SEMA3A: variants seen among roughly 807,000 people sequenced by gnomAD.
SEMA3A encodes the protein semaphorin-3A.
In SEMA3A, 29 loss-of-function variants were observed where a neutral mutation model predicts 97.9. That is an observed-to-expected ratio of 0.30 (90% CI 0.22 to 0.40). The LOEUF (loss-of-function observed/expected upper bound fraction) is 0.40. Ranked by LOEUF, SEMA3A falls within the 10% of genes least tolerant of loss-of-function variation. The probability of loss-of-function intolerance (pLI) is 1.00; values close to 1 mark genes in which losing one functional copy is unlikely to be tolerated. For synonymous variants in SEMA3A, 321 were observed against 323.7 expected, an observed-to-expected ratio of 0.99 and a Z score of 0.09; for missense variants, 763 against 951.3, an observed-to-expected ratio of 0.80 and a Z score of 2.60.
intron 3 of SEMA3A, among the ~76,000 whole-genome samples, chr7:84,285,968 C>G (rs1268370228): frequency 3.5e-5 from 4 of 115,492 alleles, no homozygotes; most frequent in Admixed American, 2.8e-4. Flanking sequence ...CAGACCCCAT[C>G]TCAAAAAAAA....
chr7:84,045,162 A>G (rs891786208), intron 6 of SEMA3A, among the ~76,000 whole-genome samples: 3 of 152,032 alleles, frequency 2.0e-5, no homozygotes, highest in African/African-American at 7.2e-5. Context: ...AATGGAAGAC[A>G]GAAGGAATGA....
chr7:84,127,245 G>T (rs1795827315), intron 3 of SEMA3A, among the ~76,000 whole-genome samples: 1 of 151,790 alleles, frequency 6.6e-6, no homozygotes, highest in Non-Finnish European at 1.5e-5. Context: ...TCCCACCATT[G>T]ATATGTGTGA....
intron 1 of SEMA3A, among the ~76,000 whole-genome samples, chr7:84,460,607 T>C (rs977923221): frequency 1.3e-5 from 2 of 152,232 alleles, no homozygotes; most frequent in African/African-American, 4.8e-5. Flanking sequence ...ATAGCCTTTG[T>C]ACAGTTCCCA....
Position 84,453,544 on chromosome 7 carries a change from G to T in SEMA3A, c.-246+38916C>A, listed in dbSNP as rs568536952. On this transcript the variant is annotated intron_variant, in intron 1 of 3. Transcript: ENST00000424555. ...AGCCACCGCGCCCGGCCGAGACTTT[G>T]TTTCTATTGAGTGATAGAGACAATG... 1.1e-4 allele frequency among the ~76,000 whole-genome samples: 17 copies of T among 152,196 alleles called. No homozygotes were observed. In the East Asian group the frequency reaches 3.3e-3, roughly 30 times the overall value.
intron 1 of SEMA3A, among the ~76,000 whole-genome samples, chr7:84,411,567 T>TA (rs1804267633): frequency 6.7e-6 from 1 of 149,176 alleles, no homozygotes; most frequent in African/African-American, 2.5e-5. Flanking sequence ...TTGGGTATAA[T>TA]TATATATATA....
At chr7:84,283,109 C>A (rs1800487700) in intron 3 of SEMA3A, among the ~76,000 whole-genome samples, 1 of 152,034 alleles carries the variant, frequency 6.6e-6, no homozygotes, top group African/African-American at 2.4e-5. Flanking sequence ...AGTTGTTAAT[C>A]TTTAAGAATT....
intron 11 of SEMA3A, among the ~76,000 whole-genome samples, chr7:84,003,870 A>C (rs1790556606): frequency 6.6e-6 from 1 of 152,102 alleles, no homozygotes. Flanking sequence ...CCTTTATGAA[A>C]CCCTGGGTCT....
At position 84,005,382 on chromosome 7, in the gene SEMA3A, C is replaced by T; in HGVS notation, c.1317G>A (p.Val439=). ...YQFTQIVVDR[V]DAEDGQYDVM... is the part of the protein sequence containing the mutation. ...CATCATACTGTCCATCTTCTGCATC[C>T]ACTCGGTCTACGACAATTTGTGTAA... The change falls in exon 11 of 17, where the codon GTG becomes GTA. Residue 439 remains valine (V), a synonymous_variant. Transcript: ENST00000265362. The T allele has an allele frequency of 1.2e-6, 2 of 1,613,834 alleles. No individual in the cohort carries two copies.
intron 3 of SEMA3A, among the ~76,000 whole-genome samples, chr7:84,228,242 G>T (rs943181001): frequency 1.9e-4 from 29 of 151,948 alleles, no homozygotes; most frequent in African/African-American, 6.8e-4. Context: ...TTTCACTAAT[G>T]AGAAAATAGA....
chr7:84,033,670 A>T (rs1791838504), intron 6 of SEMA3A, among the ~76,000 whole-genome samples: 1 of 152,108 alleles, frequency 6.6e-6, no homozygotes, highest in Admixed American at 6.5e-5. Flanking sequence ...GGGAACAAAA[A>T]CCACTTTTAT....
chr7:84,008,809 G>A (rs958436200), intron 9 of SEMA3A, among the ~76,000 whole-genome samples: 3 of 152,086 alleles, frequency 2.0e-5, no homozygotes, highest in Non-Finnish European at 4.4e-5. Context: ...TGGCATTTCA[G>A]AGAGTAAACC....
chr7:84,201,031 C>T (rs1379215203), intron 3 of SEMA3A, among the ~76,000 whole-genome samples: 1 of 151,924 alleles, frequency 6.6e-6, no homozygotes, highest in Non-Finnish European at 1.5e-5. Context: ...CACACATTTT[C>T]ACTGAATAAA....
intron 4 of SEMA3A, among the ~76,000 whole-genome samples, chr7:84,105,533 A>G (rs1210249766): frequency 6.6e-6 from 1 of 152,110 alleles, no homozygotes; most frequent in African/African-American, 2.4e-5. Flanking sequence ...ATAAATCTCA[A>G]TCATGATATT....
At chr7:84,195,024 A>AGAGAGAGAGAGAGAGAGAAAGAGAGAGAG (rs1798179833), upstream of SEMA3A, 6 of 140,656 alleles carry the variant, frequency 4.3e-5, no homozygotes, top group African/African-American at 1.4e-4. Context: ...GAGAGAGAGA[A>AGAGAGAGAGAGAGAGAGAAAGAGAGAGAG]AGAGAGAGAG....
chr7:84,026,297 T>C (rs1791541213), intron 6 of SEMA3A, among the ~76,000 whole-genome samples: 1 of 152,216 alleles, frequency 6.6e-6, no homozygotes, highest in African/African-American at 2.4e-5. Flanking sequence ...TCCACCTTCA[T>C]CTTTTCAGTT....
chr7:84,383,981 C>G (rs978658709), intron 1 of SEMA3A, among the ~76,000 whole-genome samples: 2 of 152,162 alleles, frequency 1.3e-5, no homozygotes, highest in East Asian at 1.9e-4. Flanking sequence ...TGGCTAAACA[C>G]AAGTTCACTG....
At chr7:84,126,194 T>C (rs1795786604) in intron 3 of SEMA3A, among the ~76,000 whole-genome samples, 1 of 152,050 alleles carries the variant, frequency 6.6e-6, no homozygotes, top group Non-Finnish European at 1.5e-5. Flanking sequence ...AGGAATTGTG[T>C]GAGTTATTTA....
At chr7:84,163,896 A>G (rs1797125097) in intron 1 of SEMA3A, among the ~76,000 whole-genome samples, 1 of 147,140 alleles carries the variant, frequency 6.8e-6, no homozygotes, top group Admixed American at 6.9e-5. Context: ...CCCAGGCTAG[A>G]GTGCAATGGA....
At chr7:84,443,946 G>A (rs746411092) in intron 1 of SEMA3A, among the ~76,000 whole-genome samples, 3 of 143,720 alleles carry the variant, frequency 2.1e-5, no homozygotes, top group Non-Finnish European at 4.5e-5. Flanking sequence ...GAATGCAGTG[G>A]TGTGATCTTG....
Sources: allele counts gnomAD v4.1 joint callset (sites outside exome capture counted in the v4.1 genomes callset), GRCh38; gene constraint gnomAD v4.1.1; transcripts MANE v1.5; gene names NCBI Gene and HGNC (gene_info 2026-07-23, HGNC 2026-07-21).